The following PTPRO variants were observed in gnomAD, a reference collection of about 807,000 sequenced individuals.
PTPRO encodes the protein protein tyrosine phosphatase receptor type O.
PTPRO carries 62 observed loss-of-function variants against 145.2 expected under a neutral mutation model. That is an observed-to-expected ratio of 0.43 (90% confidence interval 0.35 to 0.53). PTPRO has a LOEUF of 0.53. Among genes scored for constraint, PTPRO ranks in the 20% least tolerant of loss-of-function variants. The pLI is 0.01. For synonymous variants in PTPRO, 565 were observed against 514.7 expected (o/e 1.10, Z -1.32); for missense variants, 1,345 against 1,482.7 (o/e 0.91, Z 1.53).
At chr12:15,364,858 G>A (rs1252312091) in intron 1 of PTPRO, among the ~76,000 whole-genome samples, 4 of 152,074 alleles carry the variant, frequency 2.6e-5, no homozygotes, top group South Asian at 2.1e-4. Context: ...ACACAAGCAT[G>A]CTTCTTGAAG....
Position 15,493,662 on chromosome 12 carries a change from A to G in PTPRO, c.350-3583A>G, listed in dbSNP as rs116691253. On this transcript the variant is annotated intron_variant, in intron 2 of 26. Transcript: ENST00000281171. ...ATATCAGCGAAAGTTGGAAAATGAT[A>G]TGGAGAAAGAGGAACTATCATACAC... Among the ~76,000 whole-genome samples, 618 of 152,330 alleles carry G rather than the reference A, an allele frequency of 4.1e-3. 5 individuals carry two copies. Among genetic ancestry groups the G allele is most frequent in the African/African-American group, 0.014 (583 of 41,588 alleles).
At chr12:15,413,758 C>T (rs1036982875) in intron 1 of PTPRO, among the ~76,000 whole-genome samples, 4 of 151,934 alleles carry the variant, frequency 2.6e-5, no homozygotes, top group East Asian at 1.9e-4. Flanking sequence ...GAGGTTGCAG[C>T]GAGCCAAGAT....
chr12:15,438,986 A>T (rs1940679870), intron 1 of PTPRO, among the ~76,000 whole-genome samples: 2 of 150,494 alleles, frequency 1.3e-5, no homozygotes, highest in East Asian at 2.6e-4. Flanking sequence ...TTAGGCAAAG[A>T]TCTTAAGATC....
intron 8 of PTPRO, among the ~76,000 whole-genome samples, chr12:15,516,142 C>T (rs1363823621): frequency 6.6e-6 from 1 of 150,876 alleles, no homozygotes; most frequent in East Asian, 1.9e-4. Context: ...AGGTACATGC[C>T]ACCATGCCTG....
At chr12:15,430,075 G>A (rs11056479) in intron 1 of PTPRO, among the ~76,000 whole-genome samples, 11,161 of 151,906 alleles carry the variant, frequency 0.073, 525 homozygotes, top group East Asian at 0.17. Flanking sequence ...GTTCAAGTAG[G>A]CATTTCAGAT....
Position 15,557,522 on chromosome 12 carries a change from T to G in PTPRO, c.2626T>G (p.Trp876Gly). ...GAGGGATGGAAAGCTTCCATACAAC[T>G]GGTGAGTATTGTTTTGGAACAAGCT... Reference protein sequence around the residue: ...LERDGKLPYNWRRSIFAFLTL... With the variant: ...LERDGKLPYNGRRSIFAFLTL... Residue 876 changes from tryptophan (W) to glycine (G), a missense_variant and splice_region_variant, in exon 16 of 27, where the codon TGG becomes GGG. By Grantham distance (184) the Trp-to-Gly change is radical. Around this residue, in one of 3 missense-constraint regions of PTPRO, gnomAD observed 1,130 missense variants for 1,214.7 expected, o/e 0.93. Coordinates refer to ENST00000281171, the MANE Select transcript of PTPRO (RefSeq NM_030667.3). The G allele has an allele frequency of 6.2e-7, 1 of 1,612,728 alleles. No homozygotes were observed. Among genetic ancestry groups the G allele is most frequent in the Admixed American group, 1.7e-5 (1 of 60,024 alleles).
At chr12:15,365,119 A>T (rs1938322158) in intron 1 of PTPRO, among the ~76,000 whole-genome samples, 1 of 152,034 alleles carries the variant, frequency 6.6e-6, no homozygotes, top group Non-Finnish European at 1.5e-5. Flanking sequence ...AAGAATGCGG[A>T]ATCTAATTTT....
intron 1 of PTPRO, among the ~76,000 whole-genome samples, chr12:15,343,725 G>T (rs1867091918): frequency 6.6e-6 from 1 of 152,166 alleles, no homozygotes; most frequent in Non-Finnish European, 1.5e-5. Context: ...ACAGAGTCTG[G>T]AGTCTCGCTC....
intron 1 of PTPRO, among the ~76,000 whole-genome samples, chr12:15,387,265 C>T (rs1191900108): frequency 1.3e-5 from 2 of 151,652 alleles, no homozygotes; most frequent in African/African-American, 4.8e-5. Context: ...AAACATACAC[C>T]CTAACCTCCA....
At chr12:15,331,885 T>C (rs1866618002) in intron 1 of PTPRO, among the ~76,000 whole-genome samples, 1 of 152,160 alleles carries the variant, frequency 6.6e-6, no homozygotes, top group Non-Finnish European at 1.5e-5. Context: ...ACGTATTGTA[T>C]CTTCCACAGG....
chr12:15,578,809 A>T, intron 19 of PTPRO, 44 bp from the exon 20 acceptor site: 2 of 1,425,166 alleles, frequency 1.4e-6, no homozygotes, highest in Non-Finnish European at 2.0e-6. Context: ...AATCCAATTC[A>T]CACCACGTAT....
At chr12:15,579,007 T>C (rs980376072) in intron 20 of PTPRO, 64 bp downstream of exon 20, 87 of 1,397,106 alleles carry the variant, frequency 6.2e-5, no homozygotes, top group Non-Finnish European at 2.4e-5. Context: ...TCATTGCAGA[T>C]TAATCAATTT....
intron 1 of PTPRO, among the ~76,000 whole-genome samples, chr12:15,358,823 G>A (rs1450857827): frequency 6.6e-6 from 1 of 152,162 alleles, no homozygotes; most frequent in Non-Finnish European, 1.5e-5. Flanking sequence ...GGCCAACATC[G>A]AAAGTTTGTC....
At chr12:15,387,769 G>T (rs1565601100) in intron 1 of PTPRO, among the ~76,000 whole-genome samples, 1 of 152,172 alleles carries the variant, frequency 6.6e-6, no homozygotes. Flanking sequence ...AATCATGATA[G>T]AAACATTAAT....
At chr12:15,329,423 G>A (rs990830624) in intron 1 of PTPRO, among the ~76,000 whole-genome samples, 18 of 152,142 alleles carry the variant, frequency 1.2e-4, no homozygotes, top group Non-Finnish European at 7.4e-5. Flanking sequence ...ATTGTATTTT[G>A]ATAAACTCTA....
At position 15,517,108 on chromosome 12, in the gene PTPRO, T is replaced by C. The variant is rs1014343364; in HGVS notation, c.1779+152T>C. 2.5e-5 allele frequency: 20 copies of C among 786,182 alleles called. No homozygotes were observed. The African/African-American group carries it at 3.5e-4, about 14-fold the overall frequency. 48.7% of individuals were successfully genotyped at this position (786,182 alleles called of 1,614,324 possible). On this transcript the variant is annotated intron_variant, in intron 9 of 26. Coordinates refer to ENST00000281171, the MANE Select transcript of PTPRO (RefSeq NM_030667.3). The stretch of plus-strand genomic sequence containing the variant: ...CATTTTCACACTGCTGATAAAGAAA[T>C]AGCCAAGACTGAGCAATTTACAAAA...
intron 18 of PTPRO, among the ~76,000 whole-genome samples, chr12:15,567,193 C>G (rs562404239): frequency 6.6e-6 from 1 of 152,104 alleles, no homozygotes; most frequent in Admixed American, 6.5e-5. Context: ...ACCTTCCCCC[C>G]TCTCATTTTC....
At chr12:15,519,495 T>C (rs754030212) in intron 9 of PTPRO, among the ~76,000 whole-genome samples, 3 of 152,248 alleles carry the variant, frequency 2.0e-5, no homozygotes, top group African/African-American at 7.2e-5. Context: ...TTGAATGTAT[T>C]TGTTAATCAA....
chr12:15,405,871 G>C (rs992419341), intron 1 of PTPRO, among the ~76,000 whole-genome samples: 1 of 152,176 alleles, frequency 6.6e-6, no homozygotes, highest in Non-Finnish European at 1.5e-5. Context: ...AACCAAGGGA[G>C]AAAGACATGA....
Sources: allele counts gnomAD v4.1 joint callset (sites outside exome capture counted in the v4.1 genomes callset), GRCh38; gene constraint gnomAD v4.1.1; regional missense constraint gnomAD v4.1.1; transcripts MANE v1.5; gene names NCBI Gene and HGNC (gene_info 2026-07-23, HGNC 2026-07-21).